CCSER1: variants seen among roughly 807,000 people sequenced by gnomAD.
CCSER1 encodes the protein serine-rich coiled-coil domain-containing protein 1.
CCSER1 carries 41 observed loss-of-function variants against 82.0 expected under a neutral mutation model. The observed-to-expected ratio is 0.50, with a 90% CI of 0.39 to 0.65. The LOEUF (loss-of-function observed/expected upper bound fraction) is 0.65. CCSER1 is among the 30% of genes least tolerant of loss of function. The probability of loss-of-function intolerance (pLI) is 0.00; values close to 1 mark genes in which losing one functional copy is unlikely to be tolerated. For synonymous variants in CCSER1, 414 were observed against 383.9 expected (o/e 1.08, Z -0.92); for missense variants, 1,119 against 1,064.2 (o/e 1.05, Z -0.72).
rs1730879403 is a variant in CCSER1, at chr4:90,935,963, CTTTT to C, written c.2172+12518_2172+12521del. ...TTTATTTCCTTATTTTTGTTTATCT[CTTTT>C]TGTCACTTTTTGCAATGAACATATG... On this transcript the variant is annotated intron_variant, in intron 9 of 10. Coordinates refer to ENST00000509176, the MANE Select transcript of CCSER1 (RefSeq NM_001145065.2). 2.0e-5 allele frequency among the ~76,000 whole-genome samples: 3 copies of C among 151,936 alleles called. No homozygotes were observed. The South Asian group carries it at 6.2e-4, about 32-fold the overall frequency.
intron 1 of CCSER1, among the ~76,000 whole-genome samples, chr4:90,242,957 G>T (rs1367089197): frequency 6.6e-6 from 1 of 151,924 alleles, no homozygotes; most frequent in East Asian, 1.9e-4. Context: ...TAGTGAAACT[G>T]CTTGGTTCTT....
chr4:90,624,183 T>C (rs1423220942), intron 5 of CCSER1, among the ~76,000 whole-genome samples: 1 of 152,174 alleles, frequency 6.6e-6, no homozygotes, highest in Admixed American at 6.5e-5. Flanking sequence ...GAGATGCTTT[T>C]GGCCATAGAC....
At chr4:91,526,147 A>C (rs1269254100) in intron 10 of CCSER1, among the ~76,000 whole-genome samples, 1 of 152,182 alleles carries the variant, frequency 6.6e-6, no homozygotes, top group Non-Finnish European at 1.5e-5. Context: ...TCCCATAAGA[A>C]AATATTTTAC....
At chr4:90,289,071 A>G (rs923214889) in intron 1 of CCSER1, among the ~76,000 whole-genome samples, 5 of 151,920 alleles carry the variant, frequency 3.3e-5, no homozygotes, top group African/African-American at 9.7e-5. Context: ...GTGAGAAAGT[A>G]AGAATGTTGC....
intron 10 of CCSER1, among the ~76,000 whole-genome samples, chr4:91,587,589 A>G (rs544049413): frequency 4.3e-4 from 66 of 151,892 alleles, no homozygotes; most frequent in African/African-American, 1.5e-3. Flanking sequence ...TTTATTCCGT[A>G]AACGTAACAG....
chr4:90,971,705 A>G (rs1735125855), intron 9 of CCSER1, among the ~76,000 whole-genome samples: 1 of 151,970 alleles, frequency 6.6e-6, no homozygotes, highest in Non-Finnish European at 1.5e-5. Context: ...CAAGTATTCT[A>G]CGAGAAAAGA....
chr4:90,441,549 A>C (rs1442184879), intron 4 of CCSER1, among the ~76,000 whole-genome samples: 1 of 152,072 alleles, frequency 6.6e-6, no homozygotes, highest in Non-Finnish European at 1.5e-5. Context: ...ATTATCTTCC[A>C]AGAGCCCTGT....
intron 9 of CCSER1, among the ~76,000 whole-genome samples, chr4:91,071,325 A>G (rs1487326298): frequency 6.6e-6 from 1 of 152,196 alleles, no homozygotes; most frequent in Non-Finnish European, 1.5e-5. Context: ...CCAGAAGTGA[A>G]GTAGGCAGAA....
intron 10 of CCSER1, among the ~76,000 whole-genome samples, chr4:91,494,469 A>G (rs1758705608): frequency 6.6e-6 from 1 of 151,770 alleles, no homozygotes; most frequent in Non-Finnish European, 1.5e-5. Flanking sequence ...TCCTTAAAAT[A>G]TTATCTGTTC....
chr4:90,400,169 C>T (rs1302956985), intron 4 of CCSER1, 40 bp downstream of exon 4: 2 of 1,126,246 alleles, frequency 1.8e-6, no homozygotes, highest in South Asian at 1.4e-5. Context: ...ACAACTCCTA[C>T]CCTGGTCAGT....
chr4:90,481,958 C>G (rs1766066038), intron 5 of CCSER1, among the ~76,000 whole-genome samples: 2 of 152,282 alleles, frequency 1.3e-5, no homozygotes, highest in South Asian at 4.1e-4. Context: ...ACCAGCTGCT[C>G]CTTGTACCTC....
intron 9 of CCSER1, among the ~76,000 whole-genome samples, chr4:90,980,685 G>A (rs1204665049): frequency 1.3e-5 from 2 of 151,622 alleles, no homozygotes; most frequent in Non-Finnish European, 2.9e-5. Flanking sequence ...GCAGGGGCCA[G>A]AGGAGAGGAG....
At chr4:91,321,567 TA>T (rs1746196455) in intron 10 of CCSER1, among the ~76,000 whole-genome samples, 1 of 152,138 alleles carries the variant, frequency 6.6e-6, no homozygotes, top group Non-Finnish European at 1.5e-5. Flanking sequence ...CCATTTAACT[TA>T]TTTTTTTATT....
intron 10 of CCSER1, among the ~76,000 whole-genome samples, chr4:91,593,419 A>C (rs1244310425): frequency 6.6e-6 from 1 of 151,186 alleles, no homozygotes; most frequent in Non-Finnish European, 1.5e-5. Flanking sequence ...GTATAATTTT[A>C]ATATTAATGA....
intron 8 of CCSER1, among the ~76,000 whole-genome samples, chr4:90,916,644 A>G (rs987639615): frequency 1.3e-5 from 2 of 152,238 alleles, no homozygotes; most frequent in Non-Finnish European, 2.9e-5. Flanking sequence ...CAATGGCAAC[A>G]AAAGCAAAAT....
At chr4:90,271,905 T>G in intron 1 of CCSER1, among the ~76,000 whole-genome samples, 2 of 131,022 alleles carry the variant, frequency 1.5e-5, no homozygotes, top group African/African-American at 2.9e-5. Flanking sequence ...GGAGGTTTAA[T>G]TGACTCACAG....
intron 5 of CCSER1, among the ~76,000 whole-genome samples, chr4:90,593,085 T>C (rs1279569034): frequency 6.6e-6 from 1 of 152,180 alleles, no homozygotes; most frequent in Non-Finnish European, 1.5e-5. Flanking sequence ...TTAAAAAATA[T>C]AGACAGCTAT....
rs539351753 is a variant in CCSER1 at position 90,169,231 on chromosome 4, T to G, written c.-42+41400T>G. Reference sequence around the variant, plus strand: ...GGACTCCTAGGTATTTTATTCTCTTTGAAGCAATTGTGAATGGGAGTTCAC... The same window carrying G: ...GGACTCCTAGGTATTTTATTCTCTTGGAAGCAATTGTGAATGGGAGTTCAC... On this transcript the variant is annotated intron_variant, in intron 1 of 10. Transcript: ENST00000509176. 7.2e-5 allele frequency among the ~76,000 whole-genome samples: 11 copies of G among 152,184 alleles called. No individual in the cohort carries two copies. The East Asian group carries it at 2.1e-3, about 30-fold the overall frequency.
intron 10 of CCSER1, among the ~76,000 whole-genome samples, chr4:91,229,422 TTA>T (rs1355055541): frequency 1.3e-5 from 2 of 151,830 alleles, no homozygotes; most frequent in Admixed American, 6.6e-5. Context: ...GGATAAAAAA[TTA>T]TGTTAGTCTT....
Sources: allele counts gnomAD v4.1 joint callset (sites outside exome capture counted in the v4.1 genomes callset), GRCh38; gene constraint gnomAD v4.1.1; transcripts MANE v1.5; gene names NCBI Gene and HGNC (gene_info 2026-07-23, HGNC 2026-07-21).